Variants in ADAMTS16 observed in about 807,000 individuals in gnomAD.
The protein encoded by ADAMTS16 is ADAM metallopeptidase with thrombospondin type 1 motif 16.
A neutral mutation model predicts 145.8 loss-of-function variants in ADAMTS16; 94 were observed. That is an observed-to-expected ratio of 0.64 (90% CI 0.55 to 0.77). The LOEUF is 0.77. Ranked by LOEUF, ADAMTS16 falls within the 30% of genes least tolerant of loss-of-function variation. The pLI is 0.00. For missense variants in ADAMTS16, 1,585 were observed against 1,591.5 expected (o/e 1.00, Z 0.07); for synonymous variants, 659 against 604.3 (o/e 1.09, Z -1.33).
chr5:5,232,485 T>A lies in ADAMTS16; in HGVS notation c.1819T>A (p.Ser607Thr). 6.2e-7 allele frequency: 1 copy of A among 1,613,792 alleles called. No homozygotes were observed. Among genetic ancestry groups the A allele is most frequent in the Non-Finnish European group, 8.5e-7 (1 of 1,179,954 alleles). Residue 607 changes from serine to threonine, a missense_variant, in exon 12 of 23, where the codon TCT (serine) becomes ACT (threonine). Transcript: ENST00000274181. ...PCSRTCGGGV[S>T]HRSRLCTNPK... ...CTCCAGGACCTGCGGAGGGGGAGTATCTCATAGGAGTCGCCTCTGCACCAA... is the reference window on the plus strand; with the variant it reads ...CTCCAGGACCTGCGGAGGGGGAGTAACTCATAGGAGTCGCCTCTGCACCAA...
intron 18 of ADAMTS16, among the ~76,000 whole-genome samples, chr5:5,302,626 T>G (rs1739832763): frequency 6.6e-6 from 1 of 152,188 alleles, no homozygotes; most frequent in Admixed American, 6.5e-5. Flanking sequence ...AGGTAAAGCC[T>G]AAAGACTAAA....
At chr5:5,268,094 T>G (rs1275701595) in intron 18 of ADAMTS16, among the ~76,000 whole-genome samples, 4 of 152,168 alleles carry the variant, frequency 2.6e-5, no homozygotes, top group Non-Finnish European at 5.9e-5. Context: ...AAAGAAAATG[T>G]GTGCAGTCAC....
intron 18 of ADAMTS16, among the ~76,000 whole-genome samples, chr5:5,281,244 G>C (rs1738894804): frequency 6.6e-6 from 1 of 152,120 alleles, no homozygotes; most frequent in Admixed American, 6.6e-5. Context: ...AGTTACATAA[G>C]CTCCAGGCCT....
intron 11 of ADAMTS16, among the ~76,000 whole-genome samples, chr5:5,229,589 G>A (rs1736868116): frequency 6.6e-6 from 1 of 152,164 alleles, no homozygotes; most frequent in Non-Finnish European, 1.5e-5. Flanking sequence ...TGTACAAGAT[G>A]AGCCTCGGAT....
At position 5,317,154 on chromosome 5, in the gene ADAMTS16, G is replaced by A. The variant is rs982924486; in HGVS notation, c.3412-980G>A. On this transcript the variant is annotated intron_variant, in intron 21 of 22. Transcript: ENST00000274181. The surrounding 1 kb of genome is among the most constrained non-coding windows in gnomAD (Gnocchi z 4.5). ...GGTCCTGGGGACAAGAGTTAGGGAA[G>A]TAAGTACCTTTGCGCCAGGTCCCAG... Among the ~76,000 whole-genome samples, 1 of 152,218 alleles carries A rather than the reference G, an allele frequency of 6.6e-6. No individual in the cohort carries two copies. The highest frequency in any genetic ancestry group is 2.4e-5 in the African/African-American group (1 of 41,450).
At chr5:5,246,144 C>T (rs536082821) in intron 17 of ADAMTS16, among the ~76,000 whole-genome samples, 6 of 152,306 alleles carry the variant, frequency 3.9e-5, no homozygotes, top group Admixed American at 3.9e-4. Flanking sequence ...CTTTTAAAGT[C>T]AGTATCTACA....
chr5:5,261,908 A>T (rs1738049576), intron 17 of ADAMTS16, among the ~76,000 whole-genome samples: 1 of 152,150 alleles, frequency 6.6e-6, no homozygotes, highest in East Asian at 1.9e-4. Context: ...CTTTCTGTCC[A>T]TTAGACATTA....
Position 5,239,843 on chromosome 5 carries a change from C to G in ADAMTS16, c.2441C>G (p.Thr814Ser), listed in dbSNP as rs779873487. Reference sequence around the variant, plus strand: ...CCCGGCCGGTACAAATTTTCGGGCACTACTTTCGACTACAGACGGTCCTAT... The same window carrying G: ...CCCGGCCGGTACAAATTTTCGGGCAGTACTTTCGACTACAGACGGTCCTAT... ...DWPGRYKFSGTTFDYRRSYNE... is the reference protein window; with the variant it reads ...DWPGRYKFSGSTFDYRRSYNE... The change falls in exon 16 of 23, where the codon ACT becomes AGT. Residue 814 changes from threonine to serine, a missense_variant. By Grantham distance (58) the Thr-to-Ser change is moderately conservative. Around this residue, in one of 3 missense-constraint regions of ADAMTS16, gnomAD observed 834 missense variants for 811.7 expected, o/e 1.03. Coordinates refer to ENST00000274181, the MANE Select transcript of ADAMTS16 (RefSeq NM_139056.4). The G allele has an allele frequency of 3.1e-6, 5 of 1,614,036 alleles. No individual in the cohort carries two copies. In the Admixed American group the frequency reaches 6.7e-5, roughly 22 times the overall value.
At chr5:5,226,447 C>T (rs1736769165) in intron 11 of ADAMTS16, among the ~76,000 whole-genome samples, 1 of 152,122 alleles carries the variant, frequency 6.6e-6, no homozygotes, top group South Asian at 2.1e-4. Flanking sequence ...ATTCAATTAC[C>T]TCCTACCAGG....
rs373916933 is a variant in ADAMTS16, at chr5:5,229,539, G to C, written c.1702-2829G>C. ...CTGAGAGATCCTTTGTCTCAGTGTT[G>C]ATTTTTTTAACACCAAGCAGCAGTT... On this transcript the variant is annotated intron_variant, in intron 11 of 22. Transcript: ENST00000274181. 1.5e-3 allele frequency among the ~76,000 whole-genome samples: 227 copies of C among 152,166 alleles called. 3 individuals are homozygous for C. Among genetic ancestry groups the C allele is most frequent in the Non-Finnish European group, 1.1e-3 (73 of 68,004 alleles).
chr5:5,265,504 G>A (rs1280984036), intron 18 of ADAMTS16, among the ~76,000 whole-genome samples: 5 of 152,222 alleles, frequency 3.3e-5, no homozygotes, highest in Non-Finnish European at 1.5e-5. Flanking sequence ...CTATCTGCAG[G>A]TGTCAGCCAG....
Position 5,160,678 on chromosome 5 carries a change from A to G in ADAMTS16, c.501+14223A>G, listed in dbSNP as rs557324208. ...TGGTTTCTCAAATACTGACTGGGTC[A>G]TGCACAAGTTTACATTTACTTAAAC... On this transcript the variant is annotated intron_variant, in intron 3 of 22. Transcript: ENST00000274181. Among the ~76,000 whole-genome samples the G allele has an allele frequency of 4.6e-5, 7 of 152,172 alleles. No individual in the cohort carries two copies. The East Asian group carries it at 1.4e-3, about 29-fold the overall frequency.
chr5:5,319,408 A>G lies in ADAMTS16; in HGVS notation c.*270A>G. 2.1e-6 allele frequency: 1 copy of G among 478,872 alleles called. No homozygotes were observed. Among genetic ancestry groups the G allele is most frequent in the Admixed American group, 3.7e-5 (1 of 27,236 alleles). The allele number at this position is 478,872 out of a possible 1,614,324, so 29.7% of individuals were successfully genotyped here. On this transcript the variant is annotated 3_prime_UTR_variant, in exon 23 of 23. Coordinates refer to ENST00000274181, the MANE Select transcript of ADAMTS16 (RefSeq NM_139056.4). ...GTGGCTCGTGAGGCAGAAGGCAGGC[A>G]CCACAACGGGAGAGGCAGCACTCAC...
rs761408298 is a variant in ADAMTS16, at chr5:5,235,130, ACAG to A, written c.1971_1973del (p.Ser657del). On this transcript the variant is annotated inframe_deletion, in exon 13 of 23. Coordinates refer to ENST00000274181, the MANE Select transcript of ADAMTS16 (RefSeq NM_139056.4). ...CGTGCTGCTCAGTGTGCCGAGCACAACAGCAGACGATTCAGAGGGCGGCACTAC... is the reference window on the plus strand; with the variant it reads ...CGTGCTGCTCAGTGTGCCGAGCACAACAGACGATTCAGAGGGCGGCACTAC... The A allele has an allele frequency of 1.3e-6, 2 of 1,597,720 alleles. No homozygotes were observed. Among genetic ancestry groups the A allele is most frequent in the Non-Finnish European group, 1.7e-6 (2 of 1,166,628 alleles).
chr5:5,199,314 C>T (rs1291392725), intron 8 of ADAMTS16, among the ~76,000 whole-genome samples: 2 of 152,158 alleles, frequency 1.3e-5, no homozygotes, highest in African/African-American at 2.4e-5. Flanking sequence ...CCTCTGATGG[C>T]CCCCATTAAG....
Position 5,209,217 on chromosome 5 carries a change from GC to G in ADAMTS16, c.1578del (p.Lys527SerfsTer49). ...GTGCAAGTGGCAGTTCGGAGAGAAAGCCAAGCTCTGCATGCTGGACTTTAAA... is the reference window on the plus strand; with the variant it reads ...GTGCAAGTGGCAGTTCGGAGAGAAAGCAAGCTCTGCATGCTGGACTTTAAA... ...TQCKWQFGEK[A>X]KLCMLDFKKD... On this transcript the variant is annotated frameshift_variant, in exon 10 of 23. Coordinates refer to ENST00000274181, the MANE Select transcript of ADAMTS16 (RefSeq NM_139056.4). LOFTEE classifies it high-confidence loss of function. 1.2e-6 allele frequency: 2 copies of G among 1,613,962 alleles called. No individual in the cohort carries two copies. The highest frequency in any genetic ancestry group is 1.7e-6 in the Non-Finnish European group (2 of 1,179,864).
chr5:5,243,435 G>A (rs1357273922), intron 17 of ADAMTS16, among the ~76,000 whole-genome samples: 1 of 152,186 alleles, frequency 6.6e-6, no homozygotes, highest in East Asian at 1.9e-4. Flanking sequence ...TGGAACAGAA[G>A]GACATTGTAT....
rs1251040228 is a variant in ADAMTS16 at position 5,152,592 on chromosome 5, G to T, written c.501+6137G>T. 2.0e-5 allele frequency among the ~76,000 whole-genome samples: 3 copies of T among 152,144 alleles called. No homozygotes were observed. The East Asian group carries it at 5.8e-4, about 29-fold the overall frequency. On this transcript the variant is annotated intron_variant, in intron 3 of 22. Coordinates refer to ENST00000274181, the MANE Select transcript of ADAMTS16 (RefSeq NM_139056.4). Reference sequence around the variant, plus strand: ...AGTCTCAGAATAGAAGTTGGCTGGGGGTAAGGAAATAGGGATTCCTTATCT... The same window carrying T: ...AGTCTCAGAATAGAAGTTGGCTGGGTGTAAGGAAATAGGGATTCCTTATCT...
chr5:5,268,953 C>G (rs930131331), intron 18 of ADAMTS16, among the ~76,000 whole-genome samples: 1 of 152,132 alleles, frequency 6.6e-6, no homozygotes, highest in African/African-American at 2.4e-5. Context: ...AGCTCAGACT[C>G]GCACAAAGGG....
Sources: allele counts gnomAD v4.1 joint callset (sites outside exome capture counted in the v4.1 genomes callset), GRCh38; gene constraint gnomAD v4.1.1; regional missense constraint gnomAD v4.1.1; non-coding constraint Gnocchi (gnomAD v3.1); transcripts MANE v1.5; gene names NCBI Gene and HGNC (gene_info 2026-07-23, HGNC 2026-07-21).